The following USPL1 variants were observed in gnomAD, a reference collection of about 807,000 sequenced individuals.
USPL1 encodes SUMO-specific isopeptidase USPL1.
USPL1 carries 27 observed loss-of-function variants against 51.5 expected under a neutral mutation model. That is an observed-to-expected ratio of 0.52 (90% CI 0.39 to 0.72). The LOEUF is 0.72. Among genes scored for constraint, USPL1 ranks in the 30% least tolerant of loss-of-function variants. The pLI, the probability that USPL1 is intolerant of heterozygous loss-of-function variation, is 0.00. For synonymous variants in USPL1, 451 were observed against 459.6 expected (o/e 0.98, Z 0.24); for missense variants, 1,226 against 1,268.0 (o/e 0.97, Z 0.50).
chr13:30,639,222 G>GTGTA (rs1370727785), intron 5 of USPL1, among the ~76,000 whole-genome samples: 3 of 144,370 alleles, frequency 2.1e-5, no homozygotes, highest in African/African-American at 7.6e-5. Flanking sequence ...CTCAAAAAAT[G>GTGTA]TATATATATA....
In USPL1 at chr13:30,659,237, G is replaced by C; in HGVS notation, c.3160G>C (p.Glu1054Gln). 6.2e-7 allele frequency: 1 copy of C among 1,614,082 alleles called. No individual in the cohort carries two copies. Among genetic ancestry groups the C allele is most frequent in the Non-Finnish European group, 8.5e-7 (1 of 1,180,022 alleles). Residue 1054 changes from glutamate to glutamine, a missense_variant, in exon 9 of 9, where the codon GAG (glutamate) becomes CAG (glutamine). Glu to Gln is a conservative substitution (Grantham distance 29, BLOSUM62 2). Transcript: ENST00000255304. ...NNACVRTLNL[E>Q]SPMKTDIFDE... ...TGCCTGCGTTAGAACATTAAACTTG[G>C]AGAGTCCGATGAAGACTGATATTTT...
At chr13:30,627,520 GTTCT>G (rs1287282982) in intron 3 of USPL1, among the ~76,000 whole-genome samples, 1 of 109,784 alleles carries the variant, frequency 9.1e-6, no homozygotes, top group African/African-American at 4.9e-5. Context: ...TTACTGTTTT[GTTCT>G]TTTTTTTTTT....
chr13:30,652,592 T>G (rs982239187), intron 7 of USPL1, among the ~76,000 whole-genome samples: 2 of 152,244 alleles, frequency 1.3e-5, no homozygotes, highest in African/African-American at 2.4e-5. Context: ...ATATGTTGTA[T>G]TTTTTTCTCT....
chr13:30,626,085 T>C (rs1950711427), intron 3 of USPL1, among the ~76,000 whole-genome samples: 1 of 151,956 alleles, frequency 6.6e-6, no homozygotes, highest in Non-Finnish European at 1.5e-5. Flanking sequence ...GAGGCCAAGG[T>C]GGGTGGATTC....
In USPL1 at chr13:30,659,010, C is replaced by G. The variant is rs1951215782; in HGVS notation, c.2933C>G (p.Pro978Arg). Residue 978 changes from proline (P) to arginine (R), a missense_variant, in exon 9 of 9, where the codon CCT becomes CGT. Pro to Arg is a moderately radical substitution (Grantham distance 103). Transcript: ENST00000255304. ...HEEILAELLS[P>R]TPVSTELSEN... Reference sequence around the variant, plus strand: ...GAAATTTTAGCGGAATTATTGTCTCCTACACCTGTTTCAACAGAGCTGTCA... The same window carrying G: ...GAAATTTTAGCGGAATTATTGTCTCGTACACCTGTTTCAACAGAGCTGTCA... 1.2e-6 allele frequency: 2 copies of G among 1,614,136 alleles called. No homozygotes were observed. Among genetic ancestry groups the G allele is most frequent in the Non-Finnish European group, 1.7e-6 (2 of 1,180,038 alleles).
intron 5 of USPL1, among the ~76,000 whole-genome samples, chr13:30,640,644 T>C (rs1054834806): frequency 1.3e-5 from 2 of 152,086 alleles, no homozygotes; most frequent in African/African-American, 4.8e-5. Context: ...GAGCAGAGAT[T>C]GCGCCATTGC....
intron 7 of USPL1, among the ~76,000 whole-genome samples, chr13:30,648,121 G>T (rs1951042328): frequency 6.6e-6 from 1 of 152,132 alleles, no homozygotes; most frequent in African/African-American, 2.4e-5. Flanking sequence ...AGTACTCGGT[G>T]TTTGCATTGT....
intron 3 of USPL1, among the ~76,000 whole-genome samples, chr13:30,630,431 CT>C (rs1329924534): frequency 1.3e-5 from 2 of 152,184 alleles, no homozygotes; most frequent in African/African-American, 4.8e-5. Flanking sequence ...ACTCTGTGCA[CT>C]TTTAATTTGA....
chr13:30,641,769 G>T (rs1482108911), intron 5 of USPL1, among the ~76,000 whole-genome samples: 8 of 152,342 alleles, frequency 5.3e-5, no homozygotes, highest in African/African-American at 1.4e-4. Context: ...GTTGAGGCTG[G>T]TCATTTAACC....
intron 3 of USPL1, among the ~76,000 whole-genome samples, chr13:30,630,086 C>T (rs1000078493): frequency 6.6e-6 from 1 of 152,108 alleles, no homozygotes; most frequent in African/African-American, 2.4e-5. Context: ...AAGCAATCCT[C>T]CCATCTCAGC....
intron 5 of USPL1, 39 bp from the exon 6 acceptor site, chr13:30,642,589 A>G: frequency 6.3e-7 from 1 of 1,586,206 alleles, no homozygotes; most frequent in African/African-American, 1.4e-5. Context: ...TTTTGCCATT[A>G]TTGATTATGA....
At chr13:30,644,427 C>T (rs1950991250) in intron 6 of USPL1, among the ~76,000 whole-genome samples, 1 of 147,710 alleles carries the variant, frequency 6.8e-6, no homozygotes, top group Non-Finnish European at 1.5e-5. Flanking sequence ...TTTTTTTTAA[C>T]TGGTTAACTC....
intron 6 of USPL1, among the ~76,000 whole-genome samples, chr13:30,643,600 A>C (rs9508810): frequency 0.19 from 8,180 of 44,184 alleles, 591 homozygotes; most frequent in African/African-American, 0.49. Flanking sequence ...AACTCTTTCC[A>C]CCCCCCCCCG....
rs1450639706 is a variant in USPL1 at position 30,660,135 on chromosome 13, G to A, written c.*779G>A. On this transcript the variant is annotated 3_prime_UTR_variant, in exon 9 of 9. Coordinates refer to ENST00000255304, the MANE Select transcript of USPL1 (RefSeq NM_005800.5). ...AGAGGGTAGCTCCTCCCTGTTGCTG[G>A]TCGTCCCACCCTCTGCTCAGTTCTG... 1 of 152,260 alleles carries A rather than the reference G, an allele frequency of 6.6e-6. No individual in the cohort carries two copies. Among genetic ancestry groups the A allele is most frequent in the Non-Finnish European group, 1.5e-5 (1 of 68,122 alleles). 9.4% of individuals were successfully genotyped at this position (152,260 alleles called of 1,614,324 possible).
At chr13:30,639,176 A>C (rs1298044984) in intron 5 of USPL1, among the ~76,000 whole-genome samples, 1 of 151,284 alleles carries the variant, frequency 6.6e-6, no homozygotes, top group Non-Finnish European at 1.5e-5. Flanking sequence ...AGATCACGCC[A>C]TTGCATTCCA....
chr13:30,631,241 T>A lies in USPL1; in HGVS notation c.635T>A (p.Met212Lys). The A allele has an allele frequency of 6.2e-7, 1 of 1,614,126 alleles. No homozygotes were observed. Among genetic ancestry groups the A allele is most frequent in the African/African-American group, 1.3e-5 (1 of 75,024 alleles). Residue 212 changes from methionine to lysine, a missense_variant, in exon 4 of 9, where the codon ATG becomes AAG. Met to Lys is a moderately conservative substitution (Grantham distance 95). Transcript: ENST00000255304. ...GAAGGATGTACATCTAAACTGGAAATGCCACTGGAGAGCAAATGTACATCA... is the reference window on the plus strand; with the variant it reads ...GAAGGATGTACATCTAAACTGGAAAAGCCACTGGAGAGCAAATGTACATCA... ...QNEGCTSKLE[M>K]PLESKCTSFP...
chr13:30,625,291 G>T (rs997726994), intron 3 of USPL1, among the ~76,000 whole-genome samples: 73 of 152,124 alleles, frequency 4.8e-4, no homozygotes, highest in Admixed American at 4.8e-3. Flanking sequence ...GAATGGAATC[G>T]TGAATTACTG....
At chr13:30,624,334 G>T (rs1274942566) in intron 3 of USPL1, among the ~76,000 whole-genome samples, 3 of 152,238 alleles carry the variant, frequency 2.0e-5, no homozygotes. Context: ...ATCCTGACTG[G>T]CCAGGCACAG....
chr13:30,648,906 T>C (rs7988559), intron 7 of USPL1, among the ~76,000 whole-genome samples: 77,512 of 152,052 alleles, frequency 0.51, 22,810 homozygotes, highest in African/African-American at 0.81. Context: ...CCATCCTGCC[T>C]TGGACCATGG....
Sources: allele counts gnomAD v4.1 joint callset (sites outside exome capture counted in the v4.1 genomes callset), GRCh38; gene constraint gnomAD v4.1.1; transcripts MANE v1.5; gene names NCBI Gene and HGNC (gene_info 2026-07-23, HGNC 2026-07-21).